The following MPND variants were observed in gnomAD, a reference collection of about 807,000 sequenced individuals.
MPND encodes the protein MPN domain-containing protein.
Under a neutral mutation model 59.2 loss-of-function variants are expected in MPND, and 56 were observed. The ratio of observed to expected loss-of-function variants is 0.95; its 90% CI spans 0.76 to 1.18. The LOEUF is 1.18. Among genes scored for constraint, MPND ranks in the 50% most tolerant of loss-of-function variants. The pLI is 0.00. For synonymous variants in MPND, 323 were observed against 291.9 expected (o/e 1.11, Z -1.09); for missense variants, 671 against 676.0 (o/e 0.99, Z 0.08).
At position 4,354,042 on chromosome 19, in the gene MPND, C is replaced by T. The variant is rs779333129; in HGVS notation, c.665-3C>T. 2 of 1,612,138 alleles carry T rather than the reference C, an allele frequency of 1.2e-6. No homozygotes were observed. The highest frequency in any genetic ancestry group is 1.7e-5 in the Admixed American group (1 of 59,936). On this transcript the variant is annotated splice_polypyrimidine_tract_variant and splice_region_variant and intron_variant, in intron 4 of 12. Coordinates refer to ENST00000599840, the MANE Select transcript of MPND (RefSeq NM_001300862.2). ...GGACTGACCCTGCCTTTTTCTCTCC[C>T]AGAGGCCACAACCCCAGGGAAGCGG...
Position 4,343,898 on chromosome 19 carries a change from CG to C in MPND, c.203del (p.Gly68AlafsTer68). 2.4e-6 allele frequency: 3 copies of C among 1,256,328 alleles called. No individual in the cohort carries two copies. Among genetic ancestry groups the C allele is most frequent in the South Asian group, 6.5e-5 (2 of 30,556 alleles). 77.8% of individuals were successfully genotyped at this position (1,256,328 alleles called of 1,614,324 possible). On this transcript the variant is annotated frameshift_variant, in exon 2 of 13. Coordinates refer to ENST00000599840, the MANE Select transcript of MPND (RefSeq NM_001300862.2). LOFTEE classifies it high-confidence loss of function. ...CCGGGGCGGGGGGCTGCGGCGGGCC[CG>C]GGGGCGCGCTCACCAGGCGCGCGGT... ...GAGAGGCGGP[G>X]GALTRRAVTL...
chr19:4,353,903 C>T, intron 4 of MPND, 142 bp from the exon 5 acceptor site: 2 of 673,358 alleles, frequency 3.0e-6, no homozygotes, highest in South Asian at 3.6e-5. Context: ...ATCACAGCTC[C>T]CTGCAGCCTC....
chr19:4,349,055 G>C (rs561929247), intron 3 of MPND: 1 of 213,806 alleles, frequency 4.7e-6, no homozygotes, highest in Admixed American at 4.2e-5. Context: ...GGAGGTTCTG[G>C]ATAGTGGACA....
chr19:4,347,143 C>CT lies in MPND; in HGVS notation c.531+1174dup, dbSNP rs939768764. The CT allele has an allele frequency of 3.5e-3, 514 of 145,904 alleles. 1 individual carries two copies. Among genetic ancestry groups the CT allele is most frequent in the African/African-American group, 0.01 (401 of 40,094 alleles). The allele number at this position is 145,904 out of a possible 1,614,324, so 9.0% of individuals were successfully genotyped here. On this transcript the variant is annotated intron_variant, in intron 3 of 12. Transcript: ENST00000599840. ...AGATGCTGTAGTCTTGTGGCAGAAT[C>CT]TTTTTTTTTTTTCTGTTTTTGCTGT...
chr19:4,346,043 C>A, intron 3 of MPND, 62 bp downstream of exon 3: 1 of 1,384,932 alleles, frequency 7.2e-7, no homozygotes, highest in Non-Finnish European at 1.0e-6. Flanking sequence ...GGGTGCCCAG[C>A]CTGGCACAGC....
rs778851855 is a variant in MPND at position 4,355,129 on chromosome 19, A to G, written c.952A>G (p.Ser318Gly). 1 of 1,613,552 alleles carries G rather than the reference A, an allele frequency of 6.2e-7. No individual in the cohort carries two copies. The highest frequency in any genetic ancestry group is 8.5e-7 in the Non-Finnish European group (1 of 1,179,976). Residue 318 changes from serine (S) to glycine (G), a missense_variant, in exon 8 of 13, where the codon AGC (serine) becomes GGC (glycine). Physicochemically the swap from Ser to Gly is moderately conservative, Grantham distance 56. Coordinates refer to ENST00000599840, the MANE Select transcript of MPND (RefSeq NM_001300862.2). ...GGTGCTCAGAGCCTTCCCTTGTCGG[A>G]GCCGGCTCGGGGACGCAGAGACTGC... ...LTVLRAFPCR[S>G]RLGDAETAAA...
At chr19:4,359,141 T>A in intron 11 of MPND, 22 bp from the exon 12 acceptor site, 1 of 1,562,938 alleles carries the variant, frequency 6.4e-7, no homozygotes, top group East Asian at 2.2e-5. Flanking sequence ...AGCCTGGGAG[T>A]CCATGCTCCT....
intron 5 of MPND, 85 bp downstream of exon 5, chr19:4,354,214 G>A: frequency 6.6e-7 from 1 of 1,518,068 alleles, no homozygotes; most frequent in Non-Finnish European, 9.0e-7. Context: ...GGGGTGGGGG[G>A]TGGGACAGAG....
chr19:4,347,827 AG>A (rs1326936214), intron 3 of MPND: 1 of 322,560 alleles, frequency 3.1e-6, no homozygotes, highest in African/African-American at 2.2e-5. Context: ...AGTGTCTACA[AG>A]GAACTGGCAA....
chr19:4,359,226 CAGG>C lies in MPND; in HGVS notation c.1393_1395del (p.Glu465del). 1 of 1,613,382 alleles carries C rather than the reference CAGG, an allele frequency of 6.2e-7. No homozygotes were observed. The highest frequency in any genetic ancestry group is 1.7e-4 in the Middle Eastern group (1 of 6,060). On this transcript the variant is annotated inframe_deletion, in exon 12 of 13. Coordinates refer to ENST00000599840, the MANE Select transcript of MPND (RefSeq NM_001300862.2). ...CGTGAGGCTCCAGGAACCCTGGAGC[CAGG>C]AGCACACCTACCTCGACAAGCTTAA...
chr19:4,355,201 C>T (rs1568399582), intron 8 of MPND, 28 bp downstream of exon 8: 2 of 1,609,502 alleles, frequency 1.2e-6, no homozygotes, highest in Middle Eastern at 2.2e-4. Flanking sequence ...AGGTGGCATT[C>T]TGGGGAGGGT....
Position 4,354,349 on chromosome 19 carries a change from A to G in MPND, c.775A>G (p.Thr259Ala). The G allele has an allele frequency of 1.3e-6, 2 of 1,561,042 alleles. No homozygotes were observed. Among genetic ancestry groups the G allele is most frequent in the Non-Finnish European group, 1.7e-6 (2 of 1,151,266 alleles). ...ARNPHTLVEV[T>A]SFAAINKFQP... ...GAACCCCCACACCCTGGTGGAAGTAACATCCTTTGCAGCCATCAACAAGTT... is the reference window on the plus strand; with the variant it reads ...GAACCCCCACACCCTGGTGGAAGTAGCATCCTTTGCAGCCATCAACAAGTT... Residue 259 changes from threonine to alanine, a missense_variant, in exon 6 of 13, where the codon ACA (threonine) becomes GCA (alanine). Transcript: ENST00000599840.
intron 4 of MPND, chr19:4,353,840 T>C (rs1307403360): frequency 2.5e-5 from 13 of 512,186 alleles, no homozygotes; most frequent in Middle Eastern, 7.5e-4. Flanking sequence ...AAAAATTTCT[T>C]CTTTGTAAAT....
At chr19:4,352,705 A>C (rs1358977545) in intron 3 of MPND, among the ~76,000 whole-genome samples, 192 bp from the exon 4 acceptor site, 1 of 120,912 alleles carries the variant, frequency 8.3e-6, no homozygotes, top group Non-Finnish European at 1.7e-5. Context: ...AATAAAAAAT[A>C]AATTACAAAT....
chr19:4,358,091 C>A lies in MPND; in HGVS notation c.1245C>A (p.Pro415=), dbSNP rs1447232069. The A allele has an allele frequency of 6.4e-7, 1 of 1,551,436 alleles. No individual in the cohort carries two copies. The highest frequency in any genetic ancestry group is 8.7e-7 in the Non-Finnish European group (1 of 1,146,940). Residue 415 remains proline, a synonymous_variant, in exon 11 of 13, where the codon CCC becomes CCA. Transcript: ENST00000599840. The part of the protein sequence containing the change: ...FWVMPPPEQR[P]SDYGIPMDVE... ...GTCTGTGTCCCTGCCAGCAAAGGCCCAGTGACTATGGCATCCCCATGGATG... is the reference window on the plus strand; with the variant it reads ...GTCTGTGTCCCTGCCAGCAAAGGCCAAGTGACTATGGCATCCCCATGGATG...
intron 6 of MPND, 152 bp downstream of exon 6, chr19:4,354,572 A>G (rs1972392864): frequency 2.9e-6 from 2 of 684,006 alleles, no homozygotes; most frequent in African/African-American, 3.6e-5. Context: ...TAAATGTATG[A>G]AGGAGGGTGC....
intron 3 of MPND, among the ~76,000 whole-genome samples, chr19:4,350,091 G>T (rs1003162705): frequency 8.7e-5 from 13 of 149,494 alleles, no homozygotes; most frequent in Non-Finnish European, 3.0e-5. Context: ...GGTTGGGGGG[G>T]CTTCACTGAG....
chr19:4,343,655 G>A (rs1972117970), intron 1 of MPND, 53 bp from the exon 2 acceptor site: 1 of 1,202,224 alleles, frequency 8.3e-7, no homozygotes, highest in Non-Finnish European at 1.0e-6. Flanking sequence ...AGGGGCGCGG[G>A]GCTGCAGAGC....
At chr19:4,352,178 A>G (rs1024447414) in intron 3 of MPND, among the ~76,000 whole-genome samples, 3 of 150,200 alleles carry the variant, frequency 2.0e-5, no homozygotes, top group Non-Finnish European at 4.5e-5. Context: ...GTCTCAAAGA[A>G]AAAAAAAAAG....
Sources: gnomAD v4.1 joint callset for allele counts (sites outside exome capture counted in the v4.1 genomes callset) on GRCh38, gnomAD v4.1.1 for gene constraint, MANE v1.5 for transcripts, NCBI Gene and HGNC (gene_info 2026-07-23, HGNC 2026-07-21) for gene names.